Variants in BCHE observed in about 807,000 individuals in gnomAD.
The protein encoded by BCHE is butyrylcholinesterase.
BCHE carries 48 observed loss-of-function variants against 51.3 expected under a neutral mutation model. That is an observed-to-expected ratio of 0.94 (90% CI 0.74 to 1.19). BCHE has a LOEUF of 1.19. BCHE is among the 50% of genes most tolerant of loss of function. BCHE has a pLI of 0.00. For missense variants in BCHE, 847 were observed against 708.2 expected, an observed-to-expected ratio of 1.20 and a Z score of -2.23; for synonymous variants, 251 against 238.0, an observed-to-expected ratio of 1.05 and a Z score of -0.50.
chr3:165,784,697 T>G (rs979869388), intron 3 of BCHE, among the ~76,000 whole-genome samples: 1 of 151,932 alleles, frequency 6.6e-6, no homozygotes, highest in African/African-American at 2.4e-5. Context: ...TATTCAAATT[T>G]TATTGTATCA....
chr3:165,814,818 A>T (rs1714239300), intron 2 of BCHE, among the ~76,000 whole-genome samples: 1 of 151,930 alleles, frequency 6.6e-6, no homozygotes, highest in Non-Finnish European at 1.5e-5. Flanking sequence ...GTTAAATGTG[A>T]ATTCCAACTA....
chr3:165,828,375 C>A (rs1316511665), intron 2 of BCHE, among the ~76,000 whole-genome samples: 1 of 151,976 alleles, frequency 6.6e-6, no homozygotes, highest in Non-Finnish European at 1.5e-5. Context: ...TTACAGAGGC[C>A]TTTTAATGCT....
At chr3:165,835,243 C>T (rs1349363919) in intron 1 of BCHE, among the ~76,000 whole-genome samples, 3 of 151,356 alleles carry the variant, frequency 2.0e-5, no homozygotes, top group African/African-American at 7.3e-5. Context: ...TTAATATTCC[C>T]TAGCTGATTT....
rs1020197640 is a variant in BCHE at position 165,829,465 on chromosome 3, A to G, written c.1517+52T>C. 158 of 1,493,584 alleles carry G rather than the reference A, an allele frequency of 1.1e-4. 1 individual carries two copies. The highest frequency in any genetic ancestry group is 1.4e-4 in the Non-Finnish European group (150 of 1,071,028). 92.5% of individuals were successfully genotyped at this position (1,493,584 alleles called of 1,614,324 possible). On this transcript the variant is annotated intron_variant, in intron 2 of 3. Coordinates refer to ENST00000264381, the MANE Select transcript of BCHE (RefSeq NM_000055.4). ...CTACCCCAGAGACCAAGCAAAGCTAAGCAAAACGGATCAAACCAAGCCAGA... is the reference window on the plus strand; with the variant it reads ...CTACCCCAGAGACCAAGCAAAGCTAGGCAAAACGGATCAAACCAAGCCAGA...
At chr3:165,808,038 C>T (rs1301000016) in intron 2 of BCHE, among the ~76,000 whole-genome samples, 1 of 151,966 alleles carries the variant, frequency 6.6e-6, no homozygotes, top group East Asian at 1.9e-4. Flanking sequence ...GGCTGCAGTG[C>T]AGTGGCGCGA....
chr3:165,833,263 C>G (rs1210521270), intron 1 of BCHE, among the ~76,000 whole-genome samples: 1 of 151,934 alleles, frequency 6.6e-6, no homozygotes, highest in African/African-American at 2.4e-5. Context: ...TATAATGTAT[C>G]CTTGTCATAT....
At chr3:165,777,361 G>A (rs1281739388) in intron 3 of BCHE, among the ~76,000 whole-genome samples, 1 of 150,416 alleles carries the variant, frequency 6.6e-6, no homozygotes, top group African/African-American at 2.4e-5. Flanking sequence ...TAAAAATAAT[G>A]TGTTACATTA....
chr3:165,788,837 A>G (rs1473707203), intron 2 of BCHE, among the ~76,000 whole-genome samples: 1 of 152,160 alleles, frequency 6.6e-6, no homozygotes, highest in Non-Finnish European at 1.5e-5. Context: ...TAATTTAGAG[A>G]TAATAAGATT....
At position 165,773,246 on chromosome 3, in the gene BCHE, T is replaced by G. The variant is rs1015889129; in HGVS notation, c.*136A>C. On this transcript the variant is annotated 3_prime_UTR_variant, in exon 4 of 4. Transcript: ENST00000264381. ...TAGGTAAAATACTAAGTTAAAGATGTGAGGAATCAATATTATCCTTCTGGC... is the reference window on the plus strand; with the variant it reads ...TAGGTAAAATACTAAGTTAAAGATGGGAGGAATCAATATTATCCTTCTGGC... The G allele has an allele frequency of 3.5e-5, 27 of 771,148 alleles. No individual in the cohort carries two copies. In the African/African-American group the frequency reaches 4.8e-4, roughly 14 times the overall value. The allele number at this position is 771,148 out of a possible 1,614,324, so 47.8% of individuals were successfully genotyped here.
chr3:165,808,226 C>T (rs1009506126), intron 2 of BCHE, among the ~76,000 whole-genome samples: 2 of 152,014 alleles, frequency 1.3e-5, no homozygotes, highest in African/African-American at 4.8e-5. Flanking sequence ...ACCTCGTGAT[C>T]AGCCCGCTTC....
chr3:165,816,528 C>T (rs1461244160), intron 2 of BCHE, among the ~76,000 whole-genome samples: 1 of 151,800 alleles, frequency 6.6e-6, no homozygotes, highest in Non-Finnish European at 1.5e-5. Flanking sequence ...ACTGATTCCT[C>T]TCCTCTCATT....
intron 1 of BCHE, among the ~76,000 whole-genome samples, chr3:165,834,909 CAT>C (rs1265129792): frequency 6.6e-6 from 1 of 151,658 alleles, no homozygotes; most frequent in African/African-American, 2.4e-5. Flanking sequence ...TCTGAGAGAA[CAT>C]AGTAGCATAA....
At chr3:165,798,740 T>A (rs1713523420) in intron 2 of BCHE, among the ~76,000 whole-genome samples, 1 of 152,258 alleles carries the variant, frequency 6.6e-6, no homozygotes, top group South Asian at 2.1e-4. Flanking sequence ...TCCTAGCTAC[T>A]TGGGAAGCTG....
At chr3:165,802,082 ACT>A (rs1406487222) in intron 2 of BCHE, among the ~76,000 whole-genome samples, 2 of 152,140 alleles carry the variant, frequency 1.3e-5, no homozygotes, top group Admixed American at 1.3e-4. Context: ...GGCACATTAC[ACT>A]CTGAGGTGAG....
chr3:165,815,922 C>G (rs1425344794), intron 2 of BCHE, among the ~76,000 whole-genome samples: 1 of 151,932 alleles, frequency 6.6e-6, no homozygotes, highest in East Asian at 1.9e-4. Context: ...GCTTTCTTGT[C>G]ATGCAATTAG....
intron 2 of BCHE, among the ~76,000 whole-genome samples, chr3:165,825,798 C>A (rs1714699606): frequency 6.6e-6 from 1 of 151,894 alleles, no homozygotes; most frequent in Non-Finnish European, 1.5e-5. Flanking sequence ...TATAAGAATT[C>A]TTACAAGTCA....
At position 165,822,145 on chromosome 3, in the gene BCHE, C is replaced by CA. The variant is rs1369409096; in HGVS notation, c.1517+7371dup. On this transcript the variant is annotated intron_variant, in intron 2 of 3. Coordinates refer to ENST00000264381, the MANE Select transcript of BCHE (RefSeq NM_000055.4). ...GACATGTCAGAACATTTATTCCTGG[C>CA]AAAAAAGCATTAGAAAATATTAACC... Among the ~76,000 whole-genome samples, 6 of 151,336 alleles carry CA rather than the reference C, an allele frequency of 4.0e-5. No homozygotes were observed. The East Asian group carries it at 5.8e-4, about 15-fold the overall frequency.
At chr3:165,791,820 T>C (rs1042860960) in intron 2 of BCHE, among the ~76,000 whole-genome samples, 5 of 151,544 alleles carry the variant, frequency 3.3e-5, no homozygotes, top group Non-Finnish European at 5.9e-5. Context: ...GATATGATCA[T>C]GCCTGTGATC....
Position 165,830,834 on chromosome 3 carries a change from C to G in BCHE, c.200G>C (p.Gly67Ala), listed in dbSNP as rs769202966. The change falls in exon 2 of 4, where the codon GGT (glycine) becomes GCT (alanine). Residue 67 changes from glycine (G) to alanine (A), a missense_variant. By Grantham distance (60) the Gly-to-Ala change is moderately conservative. Transcript: ENST00000264381. ...LGIPYAQPPL[G>A]RLRFKKPQSL... ...CTGTGGCTTTTTGAATCGAAGTCTA[C>G]CAAGAGGTGGCTGTGCATAGGGAAT... The G allele has an allele frequency of 1.2e-6, 2 of 1,613,888 alleles. No individual in the cohort carries two copies. Among genetic ancestry groups the G allele is most frequent in the Non-Finnish European group, 1.7e-6 (2 of 1,179,932 alleles).
Sources: allele counts gnomAD v4.1 joint callset (sites outside exome capture counted in the v4.1 genomes callset), GRCh38; gene constraint gnomAD v4.1.1; transcripts MANE v1.5; gene names NCBI Gene and HGNC (gene_info 2026-07-23, HGNC 2026-07-21).